Variants in PUM1 observed in about 807,000 individuals in gnomAD.
PUM1 encodes the protein pumilio homolog 1.
In PUM1, 13 loss-of-function variants were observed where a neutral mutation model predicts 131.8. That is an observed-to-expected ratio of 0.10 (90% CI 0.06 to 0.16). PUM1 has a LOEUF of 0.16. PUM1 is among the 10% of genes least tolerant of loss of function. The pLI is 1.00. For missense variants in PUM1, 961 were observed against 1,512.4 expected (o/e 0.64, Z 6.05); for synonymous variants, 509 against 556.5 (o/e 0.91, Z 1.20).
At chr1:30,967,060 C>T (rs1007435759) in intron 12 of PUM1, 107 bp downstream of exon 12, 11 of 1,355,508 alleles carry the variant, frequency 8.1e-6, no homozygotes, top group Admixed American at 1.9e-5. Flanking sequence ...AGGGTAGAAC[C>T]GATATACTGA....
chr1:30,945,422 T>A lies in PUM1; in HGVS notation c.2918A>T (p.Asn973Ile), dbSNP rs1212335473. ...VLKCVKDQNG[N>I]HVVQKCIECV... ...TTCAATGCATTTCTGAACCACGTGA[T>A]TGCCATTCTGATCTTTCACACACTT... is the stretch of plus-strand genomic sequence containing the variant. The change falls in exon 18 of 22, where the codon AAT (asparagine) becomes ATT (isoleucine). Residue 973 changes from asparagine to isoleucine, a missense_variant. By Grantham distance (149) the Asn-to-Ile change is moderately radical (BLOSUM62 -3). This residue lies in a region of PUM1 where 178 missense variants were observed against 327.5 expected (regional missense o/e 0.54). Transcript: ENST00000426105. 1 of 1,614,190 alleles carries A rather than the reference T, an allele frequency of 6.2e-7. No homozygotes were observed. Among genetic ancestry groups the A allele is most frequent in the Non-Finnish European group, 8.5e-7 (1 of 1,180,000 alleles).
chr1:30,999,445 A>G (rs958922013), intron 5 of PUM1, among the ~76,000 whole-genome samples: 7 of 151,858 alleles, frequency 4.6e-5, no homozygotes, highest in African/African-American at 1.5e-4. Flanking sequence ...CATCTCTACT[A>G]AAACTACAAA....
chr1:31,030,914 T>TA (rs1467681156), intron 2 of PUM1, among the ~76,000 whole-genome samples: 1 of 152,200 alleles, frequency 6.6e-6, no homozygotes, highest in Non-Finnish European at 1.5e-5. Flanking sequence ...GAATGCTCAC[T>TA]AAAAATTGAA....
intron 14 of PUM1, 24 bp from the exon 15 acceptor site, chr1:30,954,005 C>A: frequency 3.7e-6 from 6 of 1,600,392 alleles, no homozygotes; most frequent in Non-Finnish European, 5.1e-6. Context: ...AACAGGATAA[C>A]TTAAGACCAC....
At chr1:30,996,483 C>T (rs1641984478) in intron 5 of PUM1, among the ~76,000 whole-genome samples, 2 of 152,184 alleles carry the variant, frequency 1.3e-5, no homozygotes, top group African/African-American at 4.8e-5. Context: ...ATTCTTAAAC[C>T]TTTCAACTAC....
At chr1:30,962,157 A>G (rs1366073394) in intron 14 of PUM1, among the ~76,000 whole-genome samples, 3 of 152,226 alleles carry the variant, frequency 2.0e-5, no homozygotes, top group Non-Finnish European at 4.4e-5. Context: ...GCAAATGTAC[A>G]CTAAAAAACT....
Position 30,969,316 on chromosome 1 carries a change from CAAAAAAAAAA to C in PUM1, c.1507-834_1507-825del, listed in dbSNP as rs763999971. Among the ~76,000 whole-genome samples the C allele has an allele frequency of 2.7e-4, 14 of 51,206 alleles. No individual in the cohort carries two copies. The South Asian group carries it at 3.0e-3, about 11-fold the overall frequency. The allele number at this position is 51,206 out of a possible 152,430, so 33.6% of individuals were successfully genotyped here. A position where few individuals can be genotyped will look rare whatever the true frequency, so the allele number is the denominator to read the frequency against. On this transcript the variant is annotated intron_variant, in intron 10 of 21. Transcript: ENST00000426105. ...AAAACTCCATTTCAAAACACACACA[CAAAAAAAAAA>C]AAAAAAAAAAGAAAAAAAAAGAGTA...
chr1:30,966,513 G>C (rs555396434), intron 12 of PUM1: 3 of 472,172 alleles, frequency 6.4e-6, no homozygotes, highest in Admixed American at 7.8e-5. Context: ...GCTTTTAAGA[G>C]TATACAGATT....
intron 9 of PUM1, among the ~76,000 whole-genome samples, chr1:30,975,938 A>G (rs1186788894): frequency 6.6e-6 from 1 of 151,962 alleles, no homozygotes; most frequent in Non-Finnish European, 1.5e-5. Flanking sequence ...TATATAAAAA[A>G]TTAGCCGGAC....
At chr1:31,053,758 G>A (rs1490118250) in intron 2 of PUM1, among the ~76,000 whole-genome samples, 1 of 148,332 alleles carries the variant, frequency 6.7e-6, no homozygotes, top group Non-Finnish European at 1.5e-5. Flanking sequence ...TTACAGGTGT[G>A]AGCCACTGCG....
intron 2 of PUM1, among the ~76,000 whole-genome samples, chr1:31,047,836 G>T (rs1184042190): frequency 6.6e-6 from 1 of 152,216 alleles, no homozygotes; most frequent in African/African-American, 2.4e-5. Context: ...CAGCTACTGG[G>T]GAGGCTGAGG....
chr1:30,957,087 T>TACACATACAC (rs1640197906), intron 14 of PUM1, among the ~76,000 whole-genome samples: 1 of 139,904 alleles, frequency 7.1e-6, no homozygotes, highest in Non-Finnish European at 1.5e-5. Flanking sequence ...AGGACATTCA[T>TACACATACAC]ACACACACAC....
At chr1:30,942,178 G>T (rs1639462078) in intron 18 of PUM1, 55 bp from the exon 19 acceptor site, 3 of 953,058 alleles carry the variant, frequency 3.1e-6, no homozygotes, top group Non-Finnish European at 2.9e-6. Context: ...CACCTTCAAT[G>T]CTTCAGTATT....
chr1:31,009,762 T>A, intron 3 of PUM1, among the ~76,000 whole-genome samples: 1 of 15,330 alleles, frequency 6.5e-5, no homozygotes, highest in Non-Finnish European at 1.1e-4. Flanking sequence ...AGCAAGACTC[T>A]GTCTCAAAAA....
intron 7 of PUM1, chr1:30,982,147 A>C (rs903928414): frequency 6.6e-6 from 1 of 152,234 alleles, no homozygotes; most frequent in African/African-American, 2.4e-5. Context: ...TTGGATTATG[A>C]GCTCACACCT....
chr1:30,960,886 G>T (rs1156270007), intron 14 of PUM1, among the ~76,000 whole-genome samples: 1 of 151,958 alleles, frequency 6.6e-6, no homozygotes, highest in Non-Finnish European at 1.5e-5. Flanking sequence ...GTTTGAGTTA[G>T]GCAAAGATTT....
At chr1:30,950,510 AT>A (rs373333520) in intron 16 of PUM1, among the ~76,000 whole-genome samples, 1 of 152,238 alleles carries the variant, frequency 6.6e-6, no homozygotes, top group African/African-American at 2.4e-5. Context: ...TAGTTTCACT[AT>A]TAATATCTGC....
At position 31,054,953 on chromosome 1, in the gene PUM1, C is replaced by G. The variant is rs565703232; in HGVS notation, c.363+4251G>C. ...GACTGATTTCAAAAACCAGGTATTA[C>G]CTGGTAACAAAGCCTCAGTTTCTCA... On this transcript the variant is annotated intron_variant, in intron 2 of 21. Coordinates refer to ENST00000426105, the MANE Select transcript of PUM1 (RefSeq NM_001020658.2). 3.3e-5 allele frequency among the ~76,000 whole-genome samples: 5 copies of G among 152,224 alleles called. No individual in the cohort carries two copies. The South Asian group carries it at 1.0e-3, about 32-fold the overall frequency.
At chr1:30,985,565 T>C (rs1570206051) in intron 7 of PUM1, among the ~76,000 whole-genome samples, 1 of 150,730 alleles carries the variant, frequency 6.6e-6, no homozygotes. Flanking sequence ...GGCAGAAGAA[T>C]TGCTTGAACC....
Sources: allele counts gnomAD v4.1 joint callset (sites outside exome capture counted in the v4.1 genomes callset), GRCh38; gene constraint gnomAD v4.1.1; regional missense constraint gnomAD v4.1.1; transcripts MANE v1.5; gene names NCBI Gene and HGNC (gene_info 2026-07-23, HGNC 2026-07-21).